FAM83G: variants seen among roughly 807,000 people sequenced by gnomAD.
FAM83G encodes the protein scaffolding CK1 anchoring protein G.
Under a neutral mutation model 61.5 loss-of-function variants are expected in FAM83G, and 38 were observed. That is an observed-to-expected ratio of 0.62 (90% CI 0.48 to 0.81). FAM83G has a LOEUF of 0.81. Among genes scored for constraint, FAM83G ranks in the 30% least tolerant of loss-of-function variants. The probability of loss-of-function intolerance (pLI) is 0.00; values close to 1 mark genes in which losing one functional copy is unlikely to be tolerated. For missense variants in FAM83G, 989 were observed against 1,133.6 expected (o/e 0.87, Z 1.83); for synonymous variants, 470 against 476.1 (o/e 0.99, Z 0.17).
Position 18,978,700 on chromosome 17 carries a change from CTCCGGT to C in FAM83G, c.960_965del (p.Glu324_Pro325del). Reference sequence around the variant, plus strand: ...CAGAGGGCAGCACAATAGGCTCCGGCTCCGGTTCCTTCTCCATAGGGATGCCCTTGA... The same window carrying C: ...CAGAGGGCAGCACAATAGGCTCCGGCTCCTTCTCCATAGGGATGCCCTTGA... On this transcript the variant is annotated inframe_deletion, in exon 5 of 6. Transcript: ENST00000388995. 6.2e-6 allele frequency: 10 copies of C among 1,613,010 alleles called. No individual in the cohort carries two copies. Among genetic ancestry groups the C allele is most frequent in the Non-Finnish European group, 8.5e-6 (10 of 1,180,010 alleles).
At position 18,988,241 on chromosome 17, in the gene FAM83G, G is replaced by C; in HGVS notation, c.690+6C>G. ...AGCCACCCAGGCAAGTGAGGAGCCT[G>C]CTCACCTTGAGGTGCCCCAGGTGCA... On this transcript the variant is annotated splice_donor_region_variant and intron_variant, in intron 3 of 5. Coordinates refer to ENST00000388995, the MANE Select transcript of FAM83G (RefSeq NM_001039999.3). 6.2e-7 allele frequency: 1 copy of C among 1,606,100 alleles called. No homozygotes were observed. Among genetic ancestry groups the C allele is most frequent in the Non-Finnish European group, 8.5e-7 (1 of 1,173,668 alleles).
chr17:18,985,736 GAT>G (rs948471316), intron 3 of FAM83G, among the ~76,000 whole-genome samples: 2 of 152,216 alleles, frequency 1.3e-5, no homozygotes, highest in African/African-American at 4.8e-5. Flanking sequence ...CTAGCTCCTG[GAT>G]ATGTCACCCT....
intron 2 of FAM83G, among the ~76,000 whole-genome samples, chr17:18,999,090 C>T (rs917419578): frequency 6.6e-6 from 1 of 152,142 alleles, no homozygotes; most frequent in Non-Finnish European, 1.5e-5. Context: ...CCCACCTGAC[C>T]AATACGGTGA....
rs762559201 is a variant in FAM83G, at chr17:18,971,316, G to A, written c.*43C>T. 6 of 1,607,570 alleles carry A rather than the reference G, an allele frequency of 3.7e-6. No homozygotes were observed. In the South Asian group the frequency reaches 5.5e-5, roughly 15 times the overall value. On this transcript the variant is annotated 3_prime_UTR_variant, in exon 6 of 6. Coordinates refer to ENST00000388995, the MANE Select transcript of FAM83G (RefSeq NM_001039999.3). The surrounding 1 kb of genome is among the most constrained non-coding windows in gnomAD (Gnocchi z 5.5). ...GTCTGCCCTCCGCGTCATGAGTCTG[G>A]GCTGGGGCCTCAGAAGGTGTGGCTC...
intron 5 of FAM83G, chr17:18,977,049 G>A (rs2042998143): frequency 6.3e-7 from 1 of 1,595,822 alleles, no homozygotes; most frequent in Non-Finnish European, 8.5e-7. Context: ...CTGGGACCTT[G>A]TCCTGCAAAC....
chr17:18,972,236 G>T (rs556862977), intron 5 of FAM83G, among the ~76,000 whole-genome samples: 1 of 152,302 alleles, frequency 6.6e-6, no homozygotes, highest in African/African-American at 2.4e-5. Flanking sequence ...GCATGGGGGT[G>T]GGAAAAGGCC....
intron 3 of FAM83G, among the ~76,000 whole-genome samples, chr17:18,981,753 A>G (rs1157127969): frequency 6.6e-6 from 1 of 152,218 alleles, no homozygotes; most frequent in Non-Finnish European, 1.5e-5. Flanking sequence ...CTCTGCTCCC[A>G]GGGCCGCCCT....
chr17:18,990,384 C>T (rs2043385433), intron 2 of FAM83G, among the ~76,000 whole-genome samples: 1 of 152,084 alleles, frequency 6.6e-6, no homozygotes, highest in South Asian at 2.1e-4. Context: ...CTCCCAGACC[C>T]AAAGCCTCTC....
intron 2 of FAM83G, among the ~76,000 whole-genome samples, chr17:18,990,233 G>A (rs1299396416): frequency 6.6e-6 from 1 of 152,184 alleles, no homozygotes; most frequent in East Asian, 1.9e-4. Context: ...GTTCAAGGAA[G>A]GCCAGAGACT....
chr17:18,978,832 C>T lies in FAM83G; in HGVS notation c.834G>A (p.Ala278=), dbSNP rs115212631. 6.3e-4 allele frequency: 1,018 copies of T among 1,612,126 alleles called. 3 individuals are homozygous for T. The African/African-American group carries it at 0.01, about 16-fold the overall frequency. ...CGSYSFTWSA[A]RTDRNVISVL... ...CAGAGATCACATTCCGGTCCGTCCGCGCGGCCGACCACGTGAAGCTGCAAC... is the reference window on the plus strand; with the variant it reads ...CAGAGATCACATTCCGGTCCGTCCGTGCGGCCGACCACGTGAAGCTGCAAC... The change falls in exon 5 of 6, where the codon GCG becomes GCA. Residue 278 remains alanine, a synonymous_variant. Transcript: ENST00000388995.
intron 4 of FAM83G, 99 bp from the exon 5 acceptor site, chr17:18,978,949 A>G: frequency 7.3e-7 from 1 of 1,366,518 alleles, no homozygotes; most frequent in Non-Finnish European, 1.0e-6. Flanking sequence ...CTGTGGCCAC[A>G]GGGCCCTGGG....
chr17:18,977,597 T>C lies in FAM83G; in HGVS notation c.2069A>G (p.Asp690Gly). The change falls in exon 5 of 6, where the codon GAC becomes GGC. Residue 690 changes from aspartate (D) to glycine (G), a missense_variant. Physicochemically the swap from Asp to Gly is moderately conservative, Grantham distance 94. Coordinates refer to ENST00000388995, the MANE Select transcript of FAM83G (RefSeq NM_001039999.3). ...ACCCTGACCCACCTGTGCCTCCTTG[T>C]CTGTGGAGCGCTGGGCCTGCATCCT... ...LKRMQAQRST[D>G]KEAQGQQFHH... 6.2e-7 allele frequency: 1 copy of C among 1,608,712 alleles called. No homozygotes were observed. The highest frequency in any genetic ancestry group is 8.5e-7 in the Non-Finnish European group (1 of 1,179,832).
rs2152009248 is a variant in FAM83G at position 18,978,168 on chromosome 17, G to T, written c.1498C>A (p.Pro500Thr). 1 of 1,537,128 alleles carries T rather than the reference G, an allele frequency of 6.5e-7. No individual in the cohort carries two copies. The highest frequency in any genetic ancestry group is 2.3e-5 in the East Asian group (1 of 44,314). Residue 500 changes from proline to threonine, a missense_variant, in exon 5 of 6, where the codon CCA becomes ACA. By Grantham distance (38) the Pro-to-Thr change is conservative. Around this residue, in one of 3 missense-constraint regions of FAM83G, gnomAD observed 574 missense variants for 645.1 expected, o/e 0.89. Transcript: ENST00000388995. ...ENGLPQGDPEPLPPVPKPRTV... is the reference protein window; with the variant it reads ...ENGLPQGDPETLPPVPKPRTV... ...CGGGGCTTGGGCACGGGGGGCAATG[G>T]CTCAGGGTCCCCCTGGGGGAGGCCG...
At chr17:18,976,635 A>C in intron 5 of FAM83G, 7 of 562,538 alleles carry the variant, frequency 1.2e-5, no homozygotes, top group African/African-American at 1.9e-5. Flanking sequence ...GTCCCTGGGA[A>C]TGAGTGTACC....
At chr17:18,977,563 T>TGTGCAGG in intron 5 of FAM83G, 21 bp downstream of exon 5, 1 of 1,599,268 alleles carries the variant, frequency 6.3e-7, no homozygotes, top group Non-Finnish European at 8.5e-7. Flanking sequence ...TGACCCCTGG[T>TGTGCAGG]GTGCAGGGAC....
rs144243751 is a variant in FAM83G, at chr17:18,974,308, G to A, written c.2083-2560C>T. On this transcript the variant is annotated intron_variant, in intron 5 of 5. Coordinates refer to ENST00000388995, the MANE Select transcript of FAM83G (RefSeq NM_001039999.3). ...CCCAAAGTGCTGGGATACAGGCATG[G>A]ACCGTTCACTATCTTCTGGCTCATC... is the stretch of plus-strand genomic sequence containing the variant. Among the ~76,000 whole-genome samples the A allele has an allele frequency of 2.0e-5, 3 of 152,360 alleles. No individual in the cohort carries two copies. The East Asian group carries it at 5.8e-4, about 29-fold the overall frequency.
intron 2 of FAM83G, among the ~76,000 whole-genome samples, chr17:18,992,121 G>T (rs1316413309): frequency 6.6e-6 from 1 of 152,136 alleles, no homozygotes; most frequent in Non-Finnish European, 1.5e-5. Flanking sequence ...TCTGTCCAGG[G>T]GTGTCCATAT....
rs187116335 is a variant in FAM83G at position 18,971,695 on chromosome 17, G to T, written c.2136C>A (p.Asp712Glu). ...RVPASGTRDK[D>E]GFPGPPRYRS... ...GGTACCTAGGGGGTCCTGGGAAGCCGTCTTTATCCCTAGTCCCTGAGGCAG... is the reference window on the plus strand; with the variant it reads ...GGTACCTAGGGGGTCCTGGGAAGCCTTCTTTATCCCTAGTCCCTGAGGCAG... The change falls in exon 6 of 6, where the codon GAC (aspartate) becomes GAA (glutamate). Residue 712 changes from aspartate to glutamate, a missense_variant. Asp to Glu is a conservative substitution (Grantham distance 45, BLOSUM62 2). Around this residue, in one of 3 missense-constraint regions of FAM83G, gnomAD observed 574 missense variants for 645.1 expected, o/e 0.89. Transcript: ENST00000388995. The surrounding 1 kb of genome is among the most constrained non-coding windows in gnomAD (Gnocchi z 5.5). 4 of 1,605,468 alleles carry T rather than the reference G, an allele frequency of 2.5e-6. No individual in the cohort carries two copies. The East Asian group carries it at 9.0e-5, about 36-fold the overall frequency.
chr17:18,988,413 A>G lies in FAM83G; in HGVS notation c.524T>C (p.Val175Ala), dbSNP rs1384239814. ...GAACATGTCCATGACCACAGCTATC[A>G]CCTGGGAGCAAGAAGAGAGACTAGG... is the stretch of plus-strand genomic sequence containing the variant. ...VRKMISQAQK[V>A]IAVVMDMFTD... Residue 175 changes from valine to alanine, a missense_variant and splice_region_variant, in exon 3 of 6, where the codon GTG becomes GCG. Coordinates refer to ENST00000388995, the MANE Select transcript of FAM83G (RefSeq NM_001039999.3). The G allele has an allele frequency of 6.2e-7, 1 of 1,613,794 alleles. No individual in the cohort carries two copies. The highest frequency in any genetic ancestry group is 1.3e-5 in the African/African-American group (1 of 75,054).
Sources: allele counts gnomAD v4.1 joint callset (sites outside exome capture counted in the v4.1 genomes callset), GRCh38; gene constraint gnomAD v4.1.1; regional missense constraint gnomAD v4.1.1; non-coding constraint Gnocchi (gnomAD v3.1); transcripts MANE v1.5; gene names NCBI Gene and HGNC (gene_info 2026-07-23, HGNC 2026-07-21).